FAM178B: variants seen among roughly 807,000 people sequenced by gnomAD.
The protein encoded by FAM178B is family with sequence similarity 178 member B.
In FAM178B, 82 loss-of-function variants were observed where a neutral mutation model predicts 91.7. That is an observed-to-expected ratio of 0.89 (90% CI 0.75 to 1.07). FAM178B has a LOEUF of 1.07. FAM178B is among the 50% of genes least tolerant of loss of function. The probability of loss-of-function intolerance (pLI) is 0.00; values close to 1 mark genes in which losing one functional copy is unlikely to be tolerated. For missense variants in FAM178B, 769 were observed against 846.7 expected (o/e 0.91, Z 1.14); for synonymous variants, 368 against 359.4 (o/e 1.02, Z -0.27).
intron 13 of FAM178B, among the ~76,000 whole-genome samples, chr2:96,899,207 T>C (rs1465448184): frequency 6.6e-6 from 1 of 152,188 alleles, no homozygotes; most frequent in Non-Finnish European, 1.5e-5. Flanking sequence ...ACTCCCTTTC[T>C]CCTTTTTGCA....
chr2:96,918,467 C>T (rs1253367993), intron 12 of FAM178B, among the ~76,000 whole-genome samples: 1 of 152,226 alleles, frequency 6.6e-6, no homozygotes, highest in Non-Finnish European at 1.5e-5. Flanking sequence ...ATGTTTTCCA[C>T]TCACCAGATT....
chr2:96,977,950 C>CGGGGGTGGGGGGGGGGG, intron 1 of FAM178B: 2 of 229,316 alleles, frequency 8.7e-6, no homozygotes, highest in Non-Finnish European at 8.8e-6. Flanking sequence ...GTGGGGCGGG[C>CGGGGGTGGGGGGGGGGG]GGGGGAGGGG....
intron 6 of FAM178B, among the ~76,000 whole-genome samples, chr2:96,959,199 GAAAAAA>G (rs57498168): frequency 6.9e-4 from 57 of 82,112 alleles, no homozygotes; most frequent in African/African-American, 1.7e-3. Context: ...ACTCAGTTTT[GAAAAAA>G]AAAAAAAAAA....
intron 16 of FAM178B, among the ~76,000 whole-genome samples, chr2:96,877,432 T>G (rs995336244): frequency 1.3e-5 from 2 of 151,452 alleles, no homozygotes; most frequent in Non-Finnish European, 2.9e-5. Flanking sequence ...AGATGGAGTC[T>G]TGCCCTGTCG....
At chr2:96,952,260 G>T (rs1018140045) in intron 6 of FAM178B, among the ~76,000 whole-genome samples, 1 of 152,178 alleles carries the variant, frequency 6.6e-6, no homozygotes, top group African/African-American at 2.4e-5. Context: ...ATACAAAGGG[G>T]ACACCTGAGA....
rs2081337873 is a variant in FAM178B, at chr2:96,921,460, G to A, written c.1464+18C>T. On this transcript the variant is annotated intron_variant, in intron 11 of 16. Transcript: ENST00000490605. ...AGTGATGAAGCTGTATGAGGACCAG[G>A]CTCTGGGCGTCTAGTACCTTCCCTG... 1.0e-5 allele frequency: 16 copies of A among 1,551,634 alleles called. No individual in the cohort carries two copies. The highest frequency in any genetic ancestry group is 1.4e-5 in the Non-Finnish European group (16 of 1,146,946).
intron 1 of FAM178B, among the ~76,000 whole-genome samples, chr2:96,981,732 C>T (rs1232595407): frequency 7.9e-6 from 1 of 126,168 alleles, no homozygotes; most frequent in African/African-American, 3.3e-5. Context: ...CAGAGTGAGA[C>T]TCCGTCTCAA....
At chr2:96,895,787 C>T (rs1162817720) in intron 13 of FAM178B, among the ~76,000 whole-genome samples, 1 of 152,250 alleles carries the variant, frequency 6.6e-6, no homozygotes, top group African/African-American at 2.4e-5. Flanking sequence ...CCCTCTTGAG[C>T]TTAGCCTGGC....
intron 4 of FAM178B, among the ~76,000 whole-genome samples, chr2:96,967,881 ATGCATCTTTAC>A: frequency 7.4e-6 from 1 of 135,394 alleles, no homozygotes; most frequent in South Asian, 2.3e-4. Flanking sequence ...ACAACTTCCA[ATGCATCTTTAC>A]TTGTGTACCC....
intron 8 of FAM178B, among the ~76,000 whole-genome samples, chr2:96,942,925 T>C (rs1028067130): frequency 1.3e-5 from 2 of 152,198 alleles, no homozygotes; most frequent in South Asian, 4.1e-4. Context: ...CAAATGGTGC[T>C]GAGACAACTG....
intron 1 of FAM178B, among the ~76,000 whole-genome samples, chr2:96,976,097 CT>C (rs757487916): frequency 0.042 from 5,943 of 142,084 alleles, 177 homozygotes; most frequent in African/African-American, 0.086. Flanking sequence ...TAAAACAATT[CT>C]TTTTTTTTTT....
At chr2:96,886,860 G>C (rs1044460674) in intron 14 of FAM178B, among the ~76,000 whole-genome samples, 1 of 152,156 alleles carries the variant, frequency 6.6e-6, no homozygotes, top group African/African-American at 2.4e-5. Context: ...CTCCCGAGTA[G>C]CTAGGACCAT....
chr2:96,920,866 A>T (rs756922641), intron 12 of FAM178B, among the ~76,000 whole-genome samples: 8 of 152,222 alleles, frequency 5.3e-5, no homozygotes, highest in Non-Finnish European at 8.8e-5. Flanking sequence ...TGAGGTCTGA[A>T]TGACGAGGAG....
intron 12 of FAM178B, among the ~76,000 whole-genome samples, chr2:96,920,418 G>A (rs1333857973): frequency 6.6e-6 from 1 of 152,130 alleles, no homozygotes; most frequent in Non-Finnish European, 1.5e-5. Context: ...TGGCTAACAC[G>A]GTGAAACCCT....
chr2:96,890,979 G>GT (rs2080664778), intron 14 of FAM178B, among the ~76,000 whole-genome samples: 2 of 152,192 alleles, frequency 1.3e-5, no homozygotes, highest in Non-Finnish European at 2.9e-5. Context: ...GCTCAGCTTT[G>GT]TTTTCTTTAT....
At chr2:96,912,084 G>A (rs2081168286) in intron 12 of FAM178B, among the ~76,000 whole-genome samples, 1 of 152,166 alleles carries the variant, frequency 6.6e-6, no homozygotes. Context: ...TTTACGTAGG[G>A]AGAGAGGATG....
intron 12 of FAM178B, among the ~76,000 whole-genome samples, chr2:96,902,970 G>GT (rs1383116700): frequency 2.6e-5 from 4 of 152,250 alleles, no homozygotes; most frequent in African/African-American, 7.2e-5. Flanking sequence ...GCTTTTCTTA[G>GT]TTTTTTATCC....
intron 1 of FAM178B, among the ~76,000 whole-genome samples, chr2:96,975,963 G>T (rs1003708941): frequency 2.0e-5 from 3 of 152,048 alleles, no homozygotes; most frequent in African/African-American, 4.8e-5. Context: ...CCAAAAGAAG[G>T]TAGGGGAATT....
intron 5 of FAM178B, among the ~76,000 whole-genome samples, chr2:96,966,061 C>T (rs1458301344): frequency 1.3e-5 from 2 of 152,116 alleles, no homozygotes; most frequent in African/African-American, 4.8e-5. Context: ...GCCAGAGGGT[C>T]CTATGCAGAC....
Sources: allele counts gnomAD v4.1 joint callset (sites outside exome capture counted in the v4.1 genomes callset), GRCh38; gene constraint gnomAD v4.1.1; transcripts MANE v1.5; gene names NCBI Gene and HGNC (gene_info 2026-07-23, HGNC 2026-07-21).